CACNA2D4: variants seen among roughly 807,000 people sequenced by gnomAD.
CACNA2D4 encodes calcium voltage-gated channel auxiliary subunit alpha2delta 4, also known as voltage-dependent calcium channel subunit alpha-2/delta-4.
A neutral mutation model predicts 163.8 loss-of-function variants in CACNA2D4; 157 were observed. That is an observed-to-expected ratio of 0.96 (90% CI 0.84 to 1.09). The LOEUF (loss-of-function observed/expected upper bound fraction) is 1.09. CACNA2D4 is among the 50% of genes least tolerant of loss of function. The pLI, the probability that CACNA2D4 is intolerant of heterozygous loss-of-function variation, is 0.00. For synonymous variants in CACNA2D4, 598 were observed against 586.9 expected, an observed-to-expected ratio of 1.02 and a Z score of -0.27; for missense variants, 1,410 against 1,479.9, an observed-to-expected ratio of 0.95 and a Z score of 0.78.
intron 6 of CACNA2D4, 135 bp from the exon 7 acceptor site, chr12:1,887,204 A>T (rs1238158734): frequency 3.1e-6 from 2 of 652,170 alleles, no homozygotes; most frequent in East Asian, 5.6e-5. Context: ...GGTGGGGAAC[A>T]CTGGGACATG....
Position 1,879,788 on chromosome 12 carries a change from A to G in CACNA2D4, c.1563+16T>C. On this transcript the variant is annotated intron_variant, in intron 14 of 37. Coordinates refer to ENST00000382722, the MANE Select transcript of CACNA2D4 (RefSeq NM_172364.5). The stretch of plus-strand genomic sequence containing the variant: ...TTCTAATCCCTGCTACAACGTCTCC[A>G]GGAGCGGCCACTCACCGTTTCGTTC... 1 of 1,582,998 alleles carries G rather than the reference A, an allele frequency of 6.3e-7. No homozygotes were observed. Among genetic ancestry groups the G allele is most frequent in the Non-Finnish European group, 8.6e-7 (1 of 1,162,506 alleles).
At chr12:1,847,347 A>T (rs1865168612) in intron 23 of CACNA2D4, among the ~76,000 whole-genome samples, 1 of 152,186 alleles carries the variant, frequency 6.6e-6, no homozygotes, top group Admixed American at 6.5e-5. Flanking sequence ...GCTATTACCT[A>T]GTTCCTCTCC....
chr12:1,864,813 A>G (rs559879968), intron 18 of CACNA2D4, among the ~76,000 whole-genome samples: 1 of 152,326 alleles, frequency 6.6e-6, no homozygotes, highest in South Asian at 2.1e-4. Context: ...AGAATTGCCG[A>G]TGGCTGCCCG....
At chr12:1,839,658 G>C (rs1281629285) in intron 26 of CACNA2D4, among the ~76,000 whole-genome samples, 2 of 152,246 alleles carry the variant, frequency 1.3e-5, no homozygotes, top group East Asian at 3.8e-4. Context: ...AGGACCACAT[G>C]GGAGGCAGTC....
intron 34 of CACNA2D4, 71 bp from the exon 35 acceptor site, chr12:1,797,606 C>G (rs1161795056): frequency 8.7e-7 from 1 of 1,152,802 alleles, no homozygotes; most frequent in East Asian, 2.6e-5. Context: ...CTCGGCACTC[C>G]CAGGGCCAGA....
chr12:1,886,519 G>T lies in CACNA2D4; in HGVS notation c.843-146C>A, dbSNP rs937680853. 4 of 726,732 alleles carry T rather than the reference G, an allele frequency of 5.5e-6. No individual in the cohort carries two copies. In the African/African-American group the frequency reaches 7.1e-5, roughly 13 times the overall value. 45.0% of individuals were successfully genotyped at this position (726,732 alleles called of 1,614,324 possible). ...AACCCATCTATGCCAGGTTTCACAT[G>T]TTCCATAACCACTTGACACAGTGCT... On this transcript the variant is annotated intron_variant, in intron 7 of 37. Coordinates refer to ENST00000382722, the MANE Select transcript of CACNA2D4 (RefSeq NM_172364.5).
chr12:1,883,055 T>C lies in CACNA2D4; in HGVS notation c.1352-55A>G. ...AAGGCAGGGCTTCCCTGGGAACCCC[T>C]CGCCAGGGCCTGCACCCTCCCCAGC... On this transcript the variant is annotated intron_variant, in intron 12 of 37. Coordinates refer to ENST00000382722, the MANE Select transcript of CACNA2D4 (RefSeq NM_172364.5). This position sits in a 1 kb window ranked among gnomAD's most constrained non-coding sequence, Gnocchi z 4.5. The C allele has an allele frequency of 1.3e-6, 2 of 1,567,540 alleles. No individual in the cohort carries two copies. Among genetic ancestry groups the C allele is most frequent in the Non-Finnish European group, 1.7e-6 (2 of 1,155,240 alleles).
intron 26 of CACNA2D4, 112 bp downstream of exon 26, chr12:1,840,627 C>A: frequency 2.5e-6 from 2 of 797,660 alleles, no homozygotes; most frequent in East Asian, 2.5e-5. Context: ...CACATTCCAC[C>A]GGCAGGACTG....
At chr12:1,826,832 C>G (rs530947964) in intron 26 of CACNA2D4, among the ~76,000 whole-genome samples, 5 of 152,304 alleles carry the variant, frequency 3.3e-5, no homozygotes, top group African/African-American at 1.2e-4. Flanking sequence ...GCAGCAGGAC[C>G]CTAATGCCCG....
rs528444797 is a variant in CACNA2D4, at chr12:1,829,825, C to T, written c.2551+10914G>A. Among the ~76,000 whole-genome samples the T allele has an allele frequency of 4.6e-5, 7 of 152,014 alleles. No homozygotes were observed. The highest frequency in any genetic ancestry group is 3.9e-4 in the East Asian group (2 of 5,122). On this transcript the variant is annotated intron_variant, in intron 26 of 37. Coordinates refer to ENST00000382722, the MANE Select transcript of CACNA2D4 (RefSeq NM_172364.5). The surrounding 1 kb of genome is among the most constrained non-coding windows in gnomAD (Gnocchi z 4.2). ...TCTCTAGGCTGGGTGGAACTGACCT[C>T]GGCTGGGCTGACCTGGTGGGGCTGA...
At chr12:1,805,796 C>T (rs997113733) in intron 29 of CACNA2D4, among the ~76,000 whole-genome samples, 1 of 152,216 alleles carries the variant, frequency 6.6e-6, no homozygotes, top group Non-Finnish European at 1.5e-5. Context: ...TGTGGTGTCC[C>T]GGAAGATGGC....
chr12:1,902,148 G>C (rs1866552418), intron 6 of CACNA2D4, among the ~76,000 whole-genome samples: 1 of 151,782 alleles, frequency 6.6e-6, no homozygotes, highest in Non-Finnish European at 1.5e-5. Context: ...ATAAGCATTT[G>C]ATAAAATTCA....
rs985903927 is a variant in CACNA2D4, at chr12:1,802,143, A to T, written c.2722-499T>A. Among the ~76,000 whole-genome samples, 1 of 151,630 alleles carries T rather than the reference A, an allele frequency of 6.6e-6. No individual in the cohort carries two copies. Among genetic ancestry groups the T allele is most frequent in the Non-Finnish European group, 1.5e-5 (1 of 67,946 alleles). On this transcript the variant is annotated intron_variant, in intron 29 of 37. Coordinates refer to ENST00000382722, the MANE Select transcript of CACNA2D4 (RefSeq NM_172364.5). This position sits in a 1 kb window ranked among gnomAD's most constrained non-coding sequence, Gnocchi z 4.7. ...TGCACGCTGGTGTCCTCATCTTCCC[A>T]GTGTGAGAGGGCTGCTGTGGCTTTT...
chr12:1,837,527 C>T (rs926955216), intron 26 of CACNA2D4, among the ~76,000 whole-genome samples: 41 of 152,078 alleles, frequency 2.7e-4, no homozygotes, highest in Non-Finnish European at 1.0e-4. Context: ...ACGCCCGGCC[C>T]GAGAACCCCC....
chr12:1,868,684 G>T (rs1031037651), intron 18 of CACNA2D4, among the ~76,000 whole-genome samples: 1 of 151,990 alleles, frequency 6.6e-6, no homozygotes, highest in African/African-American at 2.4e-5. Context: ...ATGCTAATTT[G>T]CTTGACTGTA....
intron 20 of CACNA2D4, among the ~76,000 whole-genome samples, chr12:1,856,982 C>A (rs188261796): frequency 1.3e-5 from 2 of 152,226 alleles, no homozygotes; most frequent in Non-Finnish European, 2.9e-5. Context: ...GACCAGGAGA[C>A]TCCGGGATTC....
chr12:1,797,559 C>A, intron 34 of CACNA2D4, 24 bp from the exon 35 acceptor site: 3 of 1,532,288 alleles, frequency 2.0e-6, no homozygotes, highest in Non-Finnish European at 2.6e-6. Flanking sequence ...AAGGACATCA[C>A]GCCACCGAAG....
At chr12:1,885,530 G>C (rs932554400) in intron 9 of CACNA2D4, among the ~76,000 whole-genome samples, 4 of 152,182 alleles carry the variant, frequency 2.6e-5, no homozygotes, top group African/African-American at 9.7e-5. Flanking sequence ...ATGTGCAAAA[G>C]CTCTCTTTAA....
At position 1,907,492 on chromosome 12, in the gene CACNA2D4, C is replaced by T. The variant is rs1028322197; in HGVS notation, c.729G>A (p.Thr243=). 2 of 1,613,950 alleles carry T rather than the reference C, an allele frequency of 1.2e-6. No homozygotes were observed. The highest frequency in any genetic ancestry group is 1.1e-5 in the South Asian group (1 of 91,052). The change falls in exon 6 of 38, where the codon ACG becomes ACA. Residue 243 remains threonine, a synonymous_variant. Transcript: ENST00000382722. ...CACTGCCAAAATATTGCCAGGTCAA[C>T]GTTGGGTCTCTCTGGAAGTTCTCCA... is the stretch of plus-strand genomic sequence containing the variant. ...VFVENFQRDP[T]LTWQYFGSAT...
Sources: gnomAD v4.1 joint callset for allele counts (sites outside exome capture counted in the v4.1 genomes callset) on GRCh38, gnomAD v4.1.1 for gene constraint, Gnocchi (gnomAD v3.1) non-coding constraint, MANE v1.5 for transcripts, NCBI Gene and HGNC (gene_info 2026-07-23, HGNC 2026-07-21) for gene names.